The following GPHN variants were observed in gnomAD, a reference collection of about 807,000 sequenced individuals.
The protein encoded by GPHN is gephyrin.
Under a neutral mutation model 95.5 loss-of-function variants are expected in GPHN, and 17 were observed. The ratio of observed to expected loss-of-function variants is 0.18; its 90% CI spans 0.12 to 0.27. The LOEUF (loss-of-function observed/expected upper bound fraction) is 0.27, where lower values mean the gene tolerates loss of function less well. GPHN is among the 10% of genes least tolerant of loss of function. GPHN has a pLI of 1.00. For missense variants in GPHN, 660 were observed against 978.1 expected (o/e 0.67, Z 4.34); for synonymous variants, 320 against 322.5 (o/e 0.99, Z 0.08).
At chr14:67,583,222 G>T in the GPHN span, among the ~76,000 whole-genome samples, 3 of 152,128 alleles carry the variant, frequency 2.0e-5, no homozygotes. Context: ...TCTCTAGGAG[G>T]CCCTGTACTA....
chr14:66,914,362 C>T (rs1270642797), intron 5 of GPHN, among the ~76,000 whole-genome samples: 3 of 152,148 alleles, frequency 2.0e-5, no homozygotes, highest in Admixed American at 6.6e-5. Context: ...CATTTCATAA[C>T]GTGATAAAAT....
intron 1 of GPHN, among the ~76,000 whole-genome samples, chr14:66,509,636 G>A (rs528390505): frequency 6.6e-6 from 1 of 152,172 alleles, no homozygotes; most frequent in Non-Finnish European, 1.5e-5. Context: ...GGGGGTTAAA[G>A]AACTATATTT....
the GPHN span, among the ~76,000 whole-genome samples, chr14:67,317,681 G>C: frequency 6.6e-6 from 1 of 152,152 alleles, no homozygotes; most frequent in Admixed American, 6.5e-5. Flanking sequence ...AGCATATGTA[G>C]TATTAAATTG....
chr14:66,845,866 T>C (rs920968934), intron 4 of GPHN, among the ~76,000 whole-genome samples: 3 of 151,558 alleles, frequency 2.0e-5, no homozygotes, highest in Non-Finnish European at 2.9e-5. Flanking sequence ...TGTGTCTGTG[T>C]GCGTGCGCAC....
chr14:66,796,949 AG>A, intron 3 of GPHN, among the ~76,000 whole-genome samples: 1 of 147,484 alleles, frequency 6.8e-6, no homozygotes, highest in Non-Finnish European at 1.5e-5. Context: ...TCATAGTTTG[AG>A]GTCTTACATT....
intron 4 of GPHN, among the ~76,000 whole-genome samples, chr14:66,876,471 G>T (rs532392813): frequency 1.3e-5 from 2 of 152,202 alleles, no homozygotes; most frequent in South Asian, 4.1e-4. Context: ...CTGGTTTTTT[G>T]AAAAGATTAA....
In GPHN at chr14:66,829,159, C is replaced by T. The variant is rs970066451; in HGVS notation, c.294+4593C>T. Among the ~76,000 whole-genome samples the T allele has an allele frequency of 2.0e-5, 3 of 146,402 alleles. No homozygotes were observed. The Admixed American group carries it at 2.1e-4, about 10-fold the overall frequency. ...CTGGAGTGCAGTGGCATGATCTCAG[C>T]TCACTGCAACCTCCACCTTCCACGT... On this transcript the variant is annotated intron_variant, in intron 4 of 22. Transcript: ENST00000478722.
At chr14:66,865,356 C>T (rs1463217286) in intron 4 of GPHN, among the ~76,000 whole-genome samples, 1 of 151,918 alleles carries the variant, frequency 6.6e-6, no homozygotes, top group African/African-American at 2.4e-5. Flanking sequence ...TCATGTACTT[C>T]CCAAATTTAT....
intron 9 of GPHN, among the ~76,000 whole-genome samples, chr14:67,019,641 T>A (rs2073497332): frequency 1.3e-5 from 2 of 152,154 alleles, no homozygotes; most frequent in African/African-American, 4.8e-5. Flanking sequence ...GTTTCTCTCC[T>A]CCCTCACTTC....
intron 9 of GPHN, among the ~76,000 whole-genome samples, chr14:67,005,088 C>CT (rs879932712): frequency 2.5e-3 from 346 of 139,188 alleles, no homozygotes; most frequent in Admixed American, 3.7e-3. Context: ...GGAATTTGGT[C>CT]TTTTTTTTTT....
At chr14:67,637,203 AG>A in the GPHN span, among the ~76,000 whole-genome samples, 2 of 152,066 alleles carry the variant, frequency 1.3e-5, no homozygotes, top group African/African-American at 2.4e-5. Context: ...TGAGGTCAGG[AG>A]TTCGAGACCA....
intron 10 of GPHN, among the ~76,000 whole-genome samples, chr14:67,053,299 A>G (rs142133161): frequency 0.023 from 3,560 of 152,076 alleles, 47 homozygotes; most frequent in Middle Eastern, 0.054. Context: ...CTGACCCCAC[A>G]GAAATATGAA....
At chr14:66,886,360 T>G (rs1018185867) in intron 5 of GPHN, among the ~76,000 whole-genome samples, 3 of 152,200 alleles carry the variant, frequency 2.0e-5, no homozygotes, top group African/African-American at 7.2e-5. Context: ...GCAAATATAT[T>G]CAGTCCAGAC....
chr14:66,547,839 A>C (rs1426436002), intron 1 of GPHN, among the ~76,000 whole-genome samples: 11 of 152,204 alleles, frequency 7.2e-5, no homozygotes, highest in African/African-American at 2.7e-4. Flanking sequence ...ATAACCTTTC[A>C]CAGGGTGATG....
Position 67,029,296 on chromosome 14 carries a change from C to A in GPHN, c.1006+5621C>A, listed in dbSNP as rs191314104. Among the ~76,000 whole-genome samples, 429 of 151,174 alleles carry A rather than the reference C, an allele frequency of 2.8e-3. 1 individual carries two copies. The highest frequency in any genetic ancestry group is 4.8e-3 in the Non-Finnish European group (327 of 67,860). ...AGTACTACTAGTACTACTAGTAATACTATGATTAGTATACTGGTGGTACTT... is the reference window on the plus strand; with the variant it reads ...AGTACTACTAGTACTACTAGTAATAATATGATTAGTATACTGGTGGTACTT... On this transcript the variant is annotated intron_variant, in intron 10 of 22. Coordinates refer to ENST00000478722, the MANE Select transcript of GPHN (RefSeq NM_020806.5).
chr14:67,381,768 T>G, the GPHN span: 1 of 1,065,626 alleles, frequency 9.4e-7, no homozygotes, highest in Non-Finnish European at 1.4e-6. Flanking sequence ...GTTTCTTTTT[T>G]TTTTTTTAAT....
At chr14:67,152,682 A>G (rs916859228) in intron 18 of GPHN, among the ~76,000 whole-genome samples, 5 of 152,222 alleles carry the variant, frequency 3.3e-5, no homozygotes, top group African/African-American at 7.2e-5. Flanking sequence ...AATTATGTTC[A>G]CTGGCGGGGC....
In GPHN at chr14:66,551,340, T is replaced by G. The variant is rs2059805065; in HGVS notation, c.64+42749T>G. On this transcript the variant is annotated intron_variant, in intron 1 of 22. Transcript: ENST00000478722. ...ACACTACTCTTTCCTTGTTTATCAC[T>G]GATCTTTGTAGCCACTCATTCTCTA... Among the ~76,000 whole-genome samples the G allele has an allele frequency of 4.6e-5, 7 of 152,242 alleles. No homozygotes were observed. The South Asian group carries it at 1.4e-3, about 32-fold the overall frequency.
At chr14:67,571,927 G>C in the GPHN span, 5 of 1,586,594 alleles carry the variant, frequency 3.2e-6, no homozygotes, top group South Asian at 5.7e-5. Flanking sequence ...AGCAGGGGCA[G>C]GGTGCAGCAG....
Sources: gnomAD v4.1 joint callset for allele counts (sites outside exome capture counted in the v4.1 genomes callset) on GRCh38, gnomAD v4.1.1 for gene constraint, MANE v1.5 for transcripts, NCBI Gene and HGNC (gene_info 2026-07-23, HGNC 2026-07-21) for gene names.